Variants in ENPP6 observed in about 807,000 individuals in gnomAD.
ENPP6 encodes ectonucleotide pyrophosphatase/phosphodiesterase 6.
Under a neutral mutation model 42.0 loss-of-function variants are expected in ENPP6, and 32 were observed. The ratio of observed to expected loss-of-function variants is 0.76; its 90% confidence interval spans 0.58 to 1.02. The LOEUF (loss-of-function observed/expected upper bound fraction) is 1.02. ENPP6 is among the 50% of genes least tolerant of loss of function. The pLI, the probability that ENPP6 is intolerant of heterozygous loss-of-function variation, is 0.00. For missense variants in ENPP6, 552 were observed against 566.8 expected (o/e 0.97, Z 0.27); for synonymous variants, 213 against 216.0 (o/e 0.99, Z 0.12).
intron 2 of ENPP6, among the ~76,000 whole-genome samples, chr4:184,136,789 T>A (rs1235378057): frequency 6.6e-6 from 1 of 152,250 alleles, no homozygotes; most frequent in Non-Finnish European, 1.5e-5. Flanking sequence ...TTTCACCAGT[T>A]CTGAAATCCA....
At chr4:184,167,685 T>C (rs962634374) in intron 1 of ENPP6, among the ~76,000 whole-genome samples, 9 of 152,220 alleles carry the variant, frequency 5.9e-5, no homozygotes, top group Non-Finnish European at 1.3e-4. Flanking sequence ...GTGACGTAGG[T>C]ATGATGCTGG....
chr4:184,122,626 T>G (rs954947108), intron 3 of ENPP6, among the ~76,000 whole-genome samples: 1 of 152,198 alleles, frequency 6.6e-6, no homozygotes, highest in Non-Finnish European at 1.5e-5. Flanking sequence ...AACCTGGGAT[T>G]CTCATGGCTG....
At chr4:184,093,660 A>T (rs1186689475) in intron 7 of ENPP6, among the ~76,000 whole-genome samples, 1 of 147,322 alleles carries the variant, frequency 6.8e-6, no homozygotes, top group Non-Finnish European at 1.5e-5. Flanking sequence ...AATAATAATA[A>T]TAATAATAAT....
At chr4:184,200,448 G>A (rs1440295911) in intron 1 of ENPP6, among the ~76,000 whole-genome samples, 3 of 152,224 alleles carry the variant, frequency 2.0e-5, no homozygotes, top group Non-Finnish European at 4.4e-5. Flanking sequence ...ATTGGCTATC[G>A]AGTCACTGTG....
chr4:184,216,093 G>A (rs1733189968), intron 1 of ENPP6, among the ~76,000 whole-genome samples: 1 of 152,192 alleles, frequency 6.6e-6, no homozygotes, highest in Non-Finnish European at 1.5e-5. Context: ...TTATGAATTG[G>A]GTCCCCTGGC....
At chr4:184,175,057 C>T (rs980628161) in intron 1 of ENPP6, among the ~76,000 whole-genome samples, 2 of 152,234 alleles carry the variant, frequency 1.3e-5, no homozygotes, top group Non-Finnish European at 2.9e-5. Flanking sequence ...AGACCCCACT[C>T]GATGTAGTAT....
chr4:184,200,460 A>G (rs1732875606), intron 1 of ENPP6, among the ~76,000 whole-genome samples: 1 of 152,230 alleles, frequency 6.6e-6, no homozygotes, highest in African/African-American at 2.4e-5. Flanking sequence ...GTCACTGTGA[A>G]CCTTTTTGGC....
intron 1 of ENPP6, among the ~76,000 whole-genome samples, chr4:184,200,555 C>A (rs1196363239): frequency 6.6e-6 from 1 of 152,218 alleles, no homozygotes; most frequent in Non-Finnish European, 1.5e-5. Context: ...AACCTCAGGG[C>A]TCCATTTGTC....
intron 1 of ENPP6, among the ~76,000 whole-genome samples, chr4:184,194,395 A>G (rs1579659367): frequency 2.0e-5 from 3 of 152,204 alleles, no homozygotes; most frequent in Non-Finnish European, 1.5e-5. Flanking sequence ...ACATCGTGAC[A>G]ATGTTTCTGG....
intron 6 of ENPP6, among the ~76,000 whole-genome samples, chr4:184,109,244 A>AAAAC (rs896048784): frequency 8.4e-6 from 1 of 119,108 alleles, no homozygotes; most frequent in South Asian, 2.7e-4. Flanking sequence ...AAAAAAAAAC[A>AAAAC]AAACAAACAA....
At position 184,183,500 on chromosome 4, in the gene ENPP6, TACACAC is replaced by T. The variant is rs35771707; in HGVS notation, c.242-29773_242-29768del. ...TAAAACACACATGCACATGCATGTA[TACACAC>T]ACACACACACACATTCACACACACA... is the stretch of plus-strand genomic sequence containing the variant. On this transcript the variant is annotated intron_variant, in intron 1 of 7. Transcript: ENST00000296741. Among the ~76,000 whole-genome samples, 4 of 148,490 alleles carry T rather than the reference TACACAC, an allele frequency of 2.7e-5. No individual in the cohort carries two copies. In the East Asian group the frequency reaches 5.8e-4, roughly 22 times the overall value.
chr4:184,196,657 G>C (rs1284884746), intron 1 of ENPP6, among the ~76,000 whole-genome samples: 1 of 152,248 alleles, frequency 6.6e-6, no homozygotes, highest in Non-Finnish European at 1.5e-5. Context: ...GTGGAGGAAA[G>C]CCAGGGCTTG....
chr4:184,200,256 G>T (rs1231571283), intron 1 of ENPP6, among the ~76,000 whole-genome samples: 1 of 152,162 alleles, frequency 6.6e-6, no homozygotes, highest in South Asian at 2.1e-4. Context: ...AAGCGGTGAG[G>T]ACCCCATTGA....
intron 2 of ENPP6, among the ~76,000 whole-genome samples, chr4:184,131,796 AACACAC>A (rs140275578): frequency 3.6e-5 from 5 of 140,586 alleles, no homozygotes; most frequent in Non-Finnish European, 7.6e-5. Context: ...GGACCAATAG[AACACAC>A]ACACACACAC....
chr4:184,113,941 T>TTCTTTCTTTCTTTCTTTCTTTCTTTCTA (rs1560981948), intron 5 of ENPP6, among the ~76,000 whole-genome samples: 1 of 148,870 alleles, frequency 6.7e-6, no homozygotes, highest in African/African-American at 2.5e-5. Context: ...CTTTCTTTCT[T>TTCTTTCTTTCTTTCTTTCTTTCTTTCTA]TCTTTCTTTC....
At chr4:184,094,148 G>A (rs751713970) in intron 7 of ENPP6, among the ~76,000 whole-genome samples, 8 of 151,888 alleles carry the variant, frequency 5.3e-5, no homozygotes, top group Non-Finnish European at 8.8e-5. Context: ...GTGCGGTGGT[G>A]TGTGCCTGTA....
At chr4:184,110,963 T>C (rs1046242926) in intron 6 of ENPP6, among the ~76,000 whole-genome samples, 7 of 152,148 alleles carry the variant, frequency 4.6e-5, no homozygotes, top group African/African-American at 1.7e-4. Context: ...TTACTTTCAC[T>C]GAGAGGACTC....
intron 1 of ENPP6, among the ~76,000 whole-genome samples, chr4:184,182,804 CA>C (rs1342663611): frequency 1.3e-5 from 2 of 152,146 alleles, no homozygotes; most frequent in African/African-American, 4.8e-5. Flanking sequence ...GGGAGCTGAA[CA>C]ATGACAACAC....
intron 2 of ENPP6, among the ~76,000 whole-genome samples, chr4:184,126,661 C>A (rs1389868605): frequency 6.6e-6 from 1 of 152,164 alleles, no homozygotes; most frequent in African/African-American, 2.4e-5. Context: ...AAAAAGAATT[C>A]CTCAGTGACC....
Sources: allele counts gnomAD v4.1 joint callset (sites outside exome capture counted in the v4.1 genomes callset), GRCh38; gene constraint gnomAD v4.1.1; transcripts MANE v1.5; gene names NCBI Gene and HGNC (gene_info 2026-07-23, HGNC 2026-07-21).